YBX2: variants seen among roughly 807,000 people sequenced by gnomAD.
YBX2 encodes the protein Y-box-binding protein 2.
Under a neutral mutation model 44.4 loss-of-function variants are expected in YBX2, and 5 were observed. The ratio of observed to expected loss-of-function variants is 0.11; its 90% CI spans 0.06 to 0.24. YBX2 has a LOEUF of 0.24. Among genes scored for constraint, YBX2 ranks in the 10% least tolerant of loss-of-function variants. The pLI, the probability that YBX2 is intolerant of heterozygous loss-of-function variation, is 1.00. For synonymous variants in YBX2, 188 were observed against 216.1 expected, an observed-to-expected ratio of 0.87 and a Z score of 1.14; for missense variants, 417 against 526.9, an observed-to-expected ratio of 0.79 and a Z score of 2.04.
At chr17:7,289,823 C>A in intron 6 of YBX2, 98 bp from the exon 7 acceptor site, 1 of 1,593,052 alleles carries the variant, frequency 6.3e-7, no homozygotes, top group Non-Finnish European at 8.6e-7. Context: ...AGGCTTCCAG[C>A]CCATGAGCAC....
At position 7,290,004 on chromosome 17, in the gene YBX2, C is replaced by T. The variant is rs764616590; in HGVS notation, c.812G>A (p.Arg271Gln). Reference protein sequence around the residue: ...LEGHQQQGDERVPPPRFRPRY... With the variant: ...LEGHQQQGDEQVPPPRFRPRY... ...GGGCCGGAATCTGGGCGGGGGGACT[C>T]GCTCATCTCCCTGCTGTTGGTGCCC... Residue 271 changes from arginine to glutamine, a missense_variant, in exon 6 of 9, where the codon CGA becomes CAA. Physicochemically the swap from Arg to Gln is conservative, Grantham distance 43. Coordinates refer to ENST00000007699, the MANE Select transcript of YBX2 (RefSeq NM_015982.4). 6 of 1,614,146 alleles carry T rather than the reference C, an allele frequency of 3.7e-6. No homozygotes were observed. Among genetic ancestry groups the T allele is most frequent in the African/African-American group, 2.7e-5 (2 of 74,954 alleles).
intron 2 of YBX2, 69 bp downstream of exon 2, chr17:7,293,406 C>T (rs2072515901): frequency 6.2e-6 from 10 of 1,608,158 alleles, no homozygotes; most frequent in South Asian, 4.4e-5. Flanking sequence ...TGAGGTTGGG[C>T]GGGTGTCCAG....
intron 4 of YBX2, among the ~76,000 whole-genome samples, 158 bp downstream of exon 4, chr17:7,290,935 C>T (rs775444086): frequency 5.9e-5 from 9 of 152,162 alleles, no homozygotes; most frequent in Non-Finnish European, 1.2e-4. Context: ...CATCCCTTAG[C>T]CCTAGCATTA....
chr17:7,294,368 C>T lies in YBX2; in HGVS notation c.133G>A (p.Gly45Ser). ...GEPQKGGGAG[G>S]GGGAASGPAA... ...GGGCCCGAGGCGGCTCCGCCCCCGC[C>T]GCCCGCCCCGCCGCCTTTCTGCGGC... The change falls in exon 1 of 9, where the codon GGC becomes AGC. Residue 45 changes from glycine to serine, a missense_variant. Gly to Ser is a moderately conservative substitution (Grantham distance 56). Transcript: ENST00000007699. This position sits in a 1 kb window ranked among gnomAD's most constrained non-coding sequence, Gnocchi z 4.6. 1 of 1,401,540 alleles carries T rather than the reference C, an allele frequency of 7.1e-7. No individual in the cohort carries two copies. The highest frequency in any genetic ancestry group is 9.3e-7 in the Non-Finnish European group (1 of 1,077,070). 86.8% of individuals were successfully genotyped at this position (1,401,540 alleles called of 1,614,324 possible).
At chr17:7,293,763 C>A (rs773412329) in intron 1 of YBX2, 274 of 835,156 alleles carry the variant, frequency 3.3e-4, no homozygotes, top group Non-Finnish European at 4.1e-4. Flanking sequence ...AAAAGCCTTC[C>A]AACTCTAAGT....
chr17:7,291,367 T>C lies in YBX2; in HGVS notation c.370-185A>G, dbSNP rs1038952104. ...GTCCTGAACTCAGGGCCTCAGCAGA[T>C]TGTGCAGTTACCACCATCCCCAGGA... On this transcript the variant is annotated intron_variant, in intron 3 of 8. Coordinates refer to ENST00000007699, the MANE Select transcript of YBX2 (RefSeq NM_015982.4). The surrounding 1 kb of genome is among the most constrained non-coding windows in gnomAD (Gnocchi z 5.8). The C allele has an allele frequency of 3.1e-6, 2 of 651,750 alleles. No individual in the cohort carries two copies. Among genetic ancestry groups the C allele is most frequent in the African/African-American group, 3.6e-5 (2 of 55,780 alleles). 40.4% of individuals were successfully genotyped at this position (651,750 alleles called of 1,614,324 possible).
rs748906151 is a variant in YBX2, at chr17:7,294,238, G to A, written c.263C>T (p.Pro88Leu). The change falls in exon 1 of 9, where the codon CCG becomes CTG. Residue 88 changes from proline (P) to leucine (L), a missense_variant. Physicochemically the swap from Pro to Leu is moderately conservative, Grantham distance 98. Around this residue, in one of 3 missense-constraint regions of YBX2, gnomAD observed 121 missense variants for 141.3 expected, o/e 0.86. Transcript: ENST00000007699. This position sits in a 1 kb window ranked among gnomAD's most constrained non-coding sequence, Gnocchi z 4.6. ...GCGCGCCTGCCCCTCACCCAGCACC[G>A]GCTTGTCCGCCTGACTCCGGGCCGG... is the stretch of plus-strand genomic sequence containing the variant. ...APPARSQADK[P>L]VLAIQVLGTV... 7.8e-7 allele frequency: 1 copy of A among 1,274,276 alleles called. No individual in the cohort carries two copies. The highest frequency in any genetic ancestry group is 9.8e-7 in the Non-Finnish European group (1 of 1,016,684). The allele number at this position is 1,274,276 out of a possible 1,614,324, so 78.9% of individuals were successfully genotyped here.
Position 7,294,091 on chromosome 17 carries a change from G to T in YBX2, c.271+139C>A. ...TCCCACCAGGGGAATCCACTTTGGT[G>T]CGCAGCTCCCAGCCCAGTTAGCGCT... is the stretch of plus-strand genomic sequence containing the variant. On this transcript the variant is annotated intron_variant, in intron 1 of 8. Coordinates refer to ENST00000007699, the MANE Select transcript of YBX2 (RefSeq NM_015982.4). This position sits in a 1 kb window ranked among gnomAD's most constrained non-coding sequence, Gnocchi z 4.6. 1 of 986,102 alleles carries T rather than the reference G, an allele frequency of 1.0e-6. No individual in the cohort carries two copies. The highest frequency in any genetic ancestry group is 1.3e-6 in the Non-Finnish European group (1 of 761,492). The allele number at this position is 986,102 out of a possible 1,614,324, so 61.1% of individuals were successfully genotyped here. A position where few individuals can be genotyped will look rare whatever the true frequency, so the allele number is the denominator to read the frequency against.
chr17:7,293,641 C>T, intron 1 of YBX2, 103 bp from the exon 2 acceptor site: 1 of 1,579,800 alleles, frequency 6.3e-7, no homozygotes, highest in Non-Finnish European at 8.6e-7. Context: ...AGCCTACTGC[C>T]TTATTACCTA....
chr17:7,292,097 A>G (rs1191898225), intron 2 of YBX2, 38 bp from the exon 3 acceptor site: 4 of 1,613,520 alleles, frequency 2.5e-6, no homozygotes, highest in African/African-American at 1.3e-5. Context: ...AGGGACTTCA[A>G]CAAAGCCCTC....
chr17:7,294,518 C>T lies in YBX2; in HGVS notation c.-18G>A. 2 of 1,446,432 alleles carry T rather than the reference C, an allele frequency of 1.4e-6. No homozygotes were observed. Among genetic ancestry groups the T allele is most frequent in the South Asian group, 1.3e-5 (1 of 77,178 alleles). 89.6% of individuals were successfully genotyped at this position (1,446,432 alleles called of 1,614,324 possible). On this transcript the variant is annotated 5_prime_UTR_variant, in exon 1 of 9. Transcript: ENST00000007699. The surrounding 1 kb of genome is among the most constrained non-coding windows in gnomAD (Gnocchi z 4.6). Reference sequence around the variant, plus strand: ...TCGCTCATCCCGCCGGGTCCAGTACCGGCCACAGCCGCCACCGCCCCGGCC... The same window carrying T: ...TCGCTCATCCCGCCGGGTCCAGTACTGGCCACAGCCGCCACCGCCCCGGCC...
In YBX2 at chr17:7,288,731, A is replaced by G. The variant is rs2072473437; in HGVS notation, c.*39+18T>C. The G allele has an allele frequency of 2.5e-6, 4 of 1,608,982 alleles. No homozygotes were observed. The highest frequency in any genetic ancestry group is 3.4e-6 in the Non-Finnish European group (4 of 1,175,602). Reference sequence around the variant, plus strand: ...CCTCACCTTCCTGGCCACCCACCCAACTGCACCAGCCACTCACCAGATGGC... The same window carrying G: ...CCTCACCTTCCTGGCCACCCACCCAGCTGCACCAGCCACTCACCAGATGGC... On this transcript the variant is annotated intron_variant, in intron 8 of 8. Transcript: ENST00000007699.
At position 7,294,056 on chromosome 17, in the gene YBX2, C is replaced by T; in HGVS notation, c.271+174G>A. 2 of 728,130 alleles carry T rather than the reference C, an allele frequency of 2.7e-6. No homozygotes were observed. The highest frequency in any genetic ancestry group is 3.8e-6 in the Non-Finnish European group (2 of 524,874). The allele number at this position is 728,130 out of a possible 1,614,324, so 45.1% of individuals were successfully genotyped here. A position where few individuals can be genotyped will look rare whatever the true frequency, so the allele number is the denominator to read the frequency against. On this transcript the variant is annotated intron_variant, in intron 1 of 8. Transcript: ENST00000007699. The surrounding 1 kb of genome is among the most constrained non-coding windows in gnomAD (Gnocchi z 4.6). ...CCCCGCCCTCTCTCCCAGGAAGGTA[C>T]GGCAGGATTTCCCACCAGGGGAATC...
rs1427371963 is a variant in YBX2 at position 7,290,248 on chromosome 17, C to T, written c.744+3G>A. ...TGGCTCCCATATTCCAGCATCCCCT[C>T]ACCTCTATAGGCTGCTGCTGGTTGG... is the stretch of plus-strand genomic sequence containing the variant. On this transcript the variant is annotated splice_donor_region_variant and intron_variant, in intron 5 of 8. Coordinates refer to ENST00000007699, the MANE Select transcript of YBX2 (RefSeq NM_015982.4). 2 of 1,609,424 alleles carry T rather than the reference C, an allele frequency of 1.2e-6. No individual in the cohort carries two copies. The highest frequency in any genetic ancestry group is 1.7e-6 in the Non-Finnish European group (2 of 1,176,666).
chr17:7,289,935 G>A, intron 6 of YBX2, 33 bp downstream of exon 6: 4 of 1,611,066 alleles, frequency 2.5e-6, no homozygotes, highest in African/African-American at 1.3e-5. Flanking sequence ...AACACTGGAA[G>A]GGGAAGACCA....
chr17:7,290,315 G>A lies in YBX2; in HGVS notation c.680C>T (p.Pro227Leu). 1 of 1,613,890 alleles carries A rather than the reference G, an allele frequency of 6.2e-7. No individual in the cohort carries two copies. The highest frequency in any genetic ancestry group is 8.5e-7 in the Non-Finnish European group (1 of 1,179,958). Residue 227 changes from proline to leucine, a missense_variant, in exon 5 of 9, where the codon CCC becomes CTC. This residue lies in a region of YBX2 where 257 missense variants were observed against 261.7 expected (regional missense o/e 0.98). Coordinates refer to ENST00000007699, the MANE Select transcript of YBX2 (RefSeq NM_015982.4). Reference protein sequence around the residue: ...GQRPRRWCPPPFFYRRRFVRG... With the variant: ...GQRPRRWCPPLFFYRRRFVRG... ...CACAAACCGCCGTCGGTAGAAGAAGGGTGGGGGGCACCATCGTCGGGGCCG... is the reference window on the plus strand; with the variant it reads ...CACAAACCGCCGTCGGTAGAAGAAGAGTGGGGGGCACCATCGTCGGGGCCG...
In YBX2 at chr17:7,288,313, A is replaced by G. The variant is rs554014991; in HGVS notation, c.*370T>C. On this transcript the variant is annotated 3_prime_UTR_variant, in exon 9 of 9. Coordinates refer to ENST00000007699, the MANE Select transcript of YBX2 (RefSeq NM_015982.4). Reference sequence around the variant, plus strand: ...TCAGGTGGCACATGACAGATCATAAAATGGCTTCAGAGGTAGGGGGCCGGG... The same window carrying G: ...TCAGGTGGCACATGACAGATCATAAGATGGCTTCAGAGGTAGGGGGCCGGG... 113 of 171,072 alleles carry G rather than the reference A, an allele frequency of 6.6e-4. 1 individual carries two copies. Among genetic ancestry groups the G allele is most frequent in the African/African-American group, 2.6e-3 (108 of 41,898 alleles). The allele number at this position is 171,072 out of a possible 1,614,324, so 10.6% of individuals were successfully genotyped here.
Position 7,289,984 on chromosome 17 carries a change from G to A in YBX2, c.832C>T (p.Arg278Trp), listed in dbSNP as rs1024267000. Residue 278 changes from arginine to tryptophan, a missense_variant, in exon 6 of 9, where the codon CGG (arginine) becomes TGG (tryptophan). Transcript: ENST00000007699. ...GGGTCTTACCTTCGGTACCTGGGCC[G>A]GAATCTGGGCGGGGGGACTCGCTCA... ...GDERVPPPRFRPRYRRPFRPR... is the reference protein window; with the variant it reads ...GDERVPPPRFWPRYRRPFRPR... 7.4e-6 allele frequency: 12 copies of A among 1,614,240 alleles called. No homozygotes were observed. Among genetic ancestry groups the A allele is most frequent in the South Asian group, 5.5e-5 (5 of 91,086 alleles).
At position 7,294,414 on chromosome 17, in the gene YBX2, C is replaced by T. The variant is rs766719472; in HGVS notation, c.87G>A (p.Val29=). ...PATAAGVVAV[V]VPVPAGEPQK... is the part of the protein sequence containing the mutation. Reference sequence around the variant, plus strand: ...GCGGCTCCCCTGCGGGCACCGGTACCACCACCGCTACCACCCCTGCCGCCG... The same window carrying T: ...GCGGCTCCCCTGCGGGCACCGGTACTACCACCGCTACCACCCCTGCCGCCG... The change falls in exon 1 of 9, where the codon GTG becomes GTA. Residue 29 remains valine (V), a synonymous_variant. Transcript: ENST00000007699. The surrounding 1 kb of genome is among the most constrained non-coding windows in gnomAD (Gnocchi z 4.6). The T allele has an allele frequency of 6.8e-7, 1 of 1,460,262 alleles. No individual in the cohort carries two copies. The highest frequency in any genetic ancestry group is 1.3e-5 in the South Asian group (1 of 77,902). The allele number at this position is 1,460,262 out of a possible 1,614,324, so 90.5% of individuals were successfully genotyped here.
Sources: gnomAD v4.1 joint callset for allele counts (sites outside exome capture counted in the v4.1 genomes callset) on GRCh38, gnomAD v4.1.1 for gene constraint, gnomAD v4.1.1 regional missense constraint, Gnocchi (gnomAD v3.1) non-coding constraint, MANE v1.5 for transcripts, NCBI Gene and HGNC (gene_info 2026-07-23, HGNC 2026-07-21) for gene names.